Variants in GNE observed in about 807,000 individuals in gnomAD.
GNE encodes bifunctional UDP-N-acetylglucosamine 2-epimerase/N-acetylmannosamine kinase.
A neutral mutation model predicts 61.8 loss-of-function variants in GNE; 41 were observed. The observed-to-expected ratio is 0.66, with a 90% CI of 0.52 to 0.86. The LOEUF is 0.86. GNE is among the 40% of genes least tolerant of loss of function. The pLI is 0.00. For synonymous variants in GNE, 264 were observed against 326.4 expected, an observed-to-expected ratio of 0.81 and a Z score of 2.06; for missense variants, 608 against 909.1, an observed-to-expected ratio of 0.67 and a Z score of 4.26.
At chr9:36,259,251 T>G (rs1209761670), upstream of GNE, among the ~76,000 whole-genome samples, 1 of 152,228 alleles carries the variant, frequency 6.6e-6, no homozygotes, top group Non-Finnish European at 1.5e-5. Context: ...TTCAAATTTC[T>G]GAGTCACTCC....
At chr9:36,237,015 C>A in intron 3 of GNE, 31 bp from the exon 4 acceptor site, 1 of 1,563,508 alleles carries the variant, frequency 6.4e-7, no homozygotes, top group Non-Finnish European at 8.8e-7. Flanking sequence ...CACATTGCTT[C>A]ATTAGTTAAG....
chr9:36,228,679 A>G (rs1375673803), intron 6 of GNE, among the ~76,000 whole-genome samples: 1 of 151,240 alleles, frequency 6.6e-6, no homozygotes, highest in African/African-American at 2.4e-5. Flanking sequence ...CTGTAATCCC[A>G]GCTACTTGGG....
rs559894776 is a variant in GNE, at chr9:36,236,452, G to A, written c.769+380C>T. 4.6e-5 allele frequency among the ~76,000 whole-genome samples: 7 copies of A among 152,160 alleles called. No individual in the cohort carries two copies. The East Asian group carries it at 7.7e-4, about 17-fold the overall frequency. On this transcript the variant is annotated intron_variant, in intron 4 of 11. Transcript: ENST00000642385. ...TGACCTCAAGTGTTCTGCCTGCCTCGGCCTCCCAAAGTGCTGGGATTACAG... is the reference window on the plus strand; with the variant it reads ...TGACCTCAAGTGTTCTGCCTGCCTCAGCCTCCCAAAGTGCTGGGATTACAG...
At chr9:36,238,868 G>T (rs1367828117) in intron 3 of GNE, among the ~76,000 whole-genome samples, 2 of 152,114 alleles carry the variant, frequency 1.3e-5, no homozygotes, top group Non-Finnish European at 2.9e-5. Flanking sequence ...TATAGTTTCA[G>T]ATCTTAAAGT....
rs546813081 is a variant in GNE, at chr9:36,268,587, GAGC to G, written c.51+8304_51+8306del. Among the ~76,000 whole-genome samples the G allele has an allele frequency of 3.9e-5, 6 of 152,204 alleles. No homozygotes were observed. The East Asian group carries it at 1.2e-3, about 30-fold the overall frequency. On this transcript the variant is annotated intron_variant, in intron 1 of 11. Coordinates refer to the GNE transcript ENST00000396594. ...GGAGGCTGAGGTGGGAGGATCACCTGAGCCTGGGAGGCTGAGGCTGCAGTGAGC... is the reference window on the plus strand; with the variant it reads ...GGAGGCTGAGGTGGGAGGATCACCTGCTGGGAGGCTGAGGCTGCAGTGAGC...
chr9:36,241,010 T>C (rs951752090), intron 3 of GNE, among the ~76,000 whole-genome samples: 1 of 152,204 alleles, frequency 6.6e-6, no homozygotes, highest in Non-Finnish European at 1.5e-5. Context: ...TCCTGTTTCA[T>C]TTCTTAGTGA....
At chr9:36,241,352 T>A (rs1168456187) in intron 3 of GNE, among the ~76,000 whole-genome samples, 1 of 152,176 alleles carries the variant, frequency 6.6e-6, no homozygotes, top group Non-Finnish European at 1.5e-5. Context: ...CCTGACCTTG[T>A]GATCTGCCCG....
At chr9:36,219,671 T>C (rs1156230979) in intron 10 of GNE, among the ~76,000 whole-genome samples, 167 bp downstream of exon 10, 4 of 152,166 alleles carry the variant, frequency 2.6e-5, no homozygotes, top group African/African-American at 9.7e-5. Flanking sequence ...GCAATATGGG[T>C]CAGCCAAGAA....
chr9:36,223,397 G>C lies in GNE; in HGVS notation c.1387C>G (p.Leu463Val). 6.2e-7 allele frequency: 1 copy of C among 1,613,478 alleles called. No homozygotes were observed. Among genetic ancestry groups the C allele is most frequent in the Non-Finnish European group, 8.5e-7 (1 of 1,179,414 alleles). The change falls in exon 8 of 12, where the codon CTG becomes GTG. Residue 463 changes from leucine to valine, a missense_variant. Coordinates refer to ENST00000642385, the MANE Select transcript of GNE (RefSeq NM_005476.7). The part of the protein sequence containing the change: ...CVEAAAEAVK[L>V]NCRILGVGIS... Reference sequence around the variant, plus strand: ...CCTACTCCCAAAATTCTGCAGTTCAGTTTTACAGCTTCTGCTGCAGCTTCC... The same window carrying C: ...CCTACTCCCAAAATTCTGCAGTTCACTTTTACAGCTTCTGCTGCAGCTTCC...
rs1353292698 is a variant in GNE at position 36,232,438 on chromosome 9, T to A, written c.982+1482A>T. On this transcript the variant is annotated intron_variant, in intron 5 of 11. Transcript: ENST00000642385. ...TCCTTCCCATTACACTTAGAAAAAA[T>A]TCCAAATGACTTACCCTGGCTTACA... is the stretch of plus-strand genomic sequence containing the variant. 4.1e-5 allele frequency among the ~76,000 whole-genome samples: 6 copies of A among 147,998 alleles called. No individual in the cohort carries two copies. In the South Asian group the frequency reaches 1.3e-3, roughly 31 times the overall value.
At chr9:36,259,893 C>A (rs1009340844), upstream of GNE, among the ~76,000 whole-genome samples, 2 of 152,096 alleles carry the variant, frequency 1.3e-5, no homozygotes, top group African/African-American at 4.8e-5. Flanking sequence ...AACTCCCGAC[C>A]TTAGGTGATC....
At chr9:36,225,249 A>G (rs1828811497) in intron 7 of GNE, among the ~76,000 whole-genome samples, 1 of 152,190 alleles carries the variant, frequency 6.6e-6, no homozygotes, top group South Asian at 2.1e-4. Context: ...GTTGTTCTGA[A>G]TAAGATCTCT....
At chr9:36,271,010 T>G (rs1039915284) in intron 1 of GNE, among the ~76,000 whole-genome samples, 27 of 152,194 alleles carry the variant, frequency 1.8e-4, no homozygotes, top group African/African-American at 5.8e-4. Flanking sequence ...TAAATCTTCT[T>G]AAAAGGCTGC....
upstream of GNE, among the ~76,000 whole-genome samples, chr9:36,261,815 C>T (rs10814365): frequency 0.77 from 115,200 of 150,460 alleles, 44,484 homozygotes; most frequent in Non-Finnish European, 0.8. Context: ...CCCAGCTACG[C>T]GGGAGGCTGA....
intron 1 of GNE, chr9:36,265,711 G>A (rs982835410): frequency 1.9e-4 from 58 of 313,362 alleles, no homozygotes; most frequent in Non-Finnish European, 3.5e-4. Flanking sequence ...AGTGGGGGTG[G>A]GGATGGTTTC....
At chr9:36,276,481 A>T (rs1158912599) in intron 1 of GNE, among the ~76,000 whole-genome samples, 1 of 152,232 alleles carries the variant, frequency 6.6e-6, no homozygotes, top group Non-Finnish European at 1.5e-5. Flanking sequence ...CTGAGGGAAA[A>T]GAAGTACAAA....
At chr9:36,258,947 C>T (rs1366198042), upstream of GNE, among the ~76,000 whole-genome samples, 2 of 152,202 alleles carry the variant, frequency 1.3e-5, no homozygotes, top group East Asian at 3.8e-4. Context: ...GGCAGAGCCT[C>T]TCTCATCTTT....
chr9:36,270,578 C>T (rs1274231797), intron 1 of GNE, among the ~76,000 whole-genome samples: 2 of 148,260 alleles, frequency 1.3e-5, no homozygotes, highest in African/African-American at 2.5e-5. Context: ...ACTGCAGTGG[C>T]ACGATCTCGG....
intron 5 of GNE, among the ~76,000 whole-genome samples, chr9:36,231,081 A>AG (rs1829126216): frequency 7.1e-6 from 1 of 140,942 alleles, no homozygotes; most frequent in Non-Finnish European, 1.5e-5. Context: ...AAAAAAAAAA[A>AG]AAAGAAAGAA....
Sources: gnomAD v4.1 joint callset for allele counts (sites outside exome capture counted in the v4.1 genomes callset) on GRCh38, gnomAD v4.1.1 for gene constraint, MANE v1.5 for transcripts, NCBI Gene and HGNC (gene_info 2026-07-23, HGNC 2026-07-21) for gene names.